PCDH11X: variants seen among roughly 807,000 people sequenced by gnomAD.
PCDH11X encodes the protein protocadherin 11 X-linked, also known as protocadherin-11 X-linked.
In PCDH11X, 18 loss-of-function variants were observed where a neutral mutation model predicts 53.3. The observed-to-expected ratio is 0.34, with a 90% CI of 0.23 to 0.50. The LOEUF (loss-of-function observed/expected upper bound fraction) is 0.50, where lower values mean the gene tolerates loss of function less well. Among genes scored for constraint, PCDH11X ranks in the 20% least tolerant of loss-of-function variants. The probability of loss-of-function intolerance (pLI) is 0.98; values close to 1 mark genes in which losing one functional copy is unlikely to be tolerated. For synonymous variants in PCDH11X, 279 were observed against 393.3 expected (o/e 0.71, Z 3.44); for missense variants, 570 against 1,032.4 (o/e 0.55, Z 6.14).
intron 6 of PCDH11X, among the ~76,000 whole-genome samples, chrX:92,138,327 G>A (rs1272818452): frequency 2.7e-5 from 3 of 110,366 alleles, no homozygotes; most frequent in Non-Finnish European, 5.7e-5. Context: ...GTTCTATAAA[G>A]GCTTTTTTTA....
chrX:92,473,844 A>G (rs1409353894), intron 10 of PCDH11X, among the ~76,000 whole-genome samples: 7 of 111,623 alleles, frequency 6.3e-5, no homozygotes, highest in Non-Finnish European at 9.4e-5. Flanking sequence ...TGAATGTTTT[A>G]AGAATTGTTT....
intron 6 of PCDH11X, among the ~76,000 whole-genome samples, chrX:92,081,711 A>AAC (rs34848503): frequency 0.29 from 28,736 of 100,234 alleles, 3,862 homozygotes; most frequent in East Asian, 0.83. Context: ...CTGAGCCAAT[A>AAC]ACACACACAC....
chrX:91,883,942 C>A, intron 6 of PCDH11X: 1 of 735,127 alleles, frequency 1.4e-6, no homozygotes, highest in Non-Finnish European at 1.6e-6. Flanking sequence ...GTAATCCCAG[C>A]ACTTTGGGAG....
rs2074655819 is a variant in PCDH11X, at chrX:92,536,226, A to G, written c.3367+67904A>G. On this transcript the variant is annotated intron_variant, in intron 10 of 10. Transcript: ENST00000682573. The stretch of plus-strand genomic sequence containing the variant: ...GATTGCATTATCAAATTCTCGTAGT[A>G]TGTTTTCCAGCTCTATCAGATTGTT... 2.7e-5 allele frequency among the ~76,000 whole-genome samples: 3 copies of G among 111,371 alleles called. No individual in the cohort carries two copies. The Admixed American group carries it at 2.9e-4, about 11-fold the overall frequency.
At chrX:92,215,062 G>A (rs1403987242) in intron 7 of PCDH11X, among the ~76,000 whole-genome samples, 1 of 111,117 alleles carries the variant, frequency 9.0e-6, no homozygotes, top group Admixed American at 9.6e-5. Context: ...AGAAAACACT[G>A]GGGAAGCAGC....
At chrX:91,820,789 C>T (rs201677464) in intron 4 of PCDH11X, among the ~76,000 whole-genome samples, 67 of 94,304 alleles carry the variant, frequency 7.1e-4, no homozygotes, top group African/African-American at 1.6e-3. Flanking sequence ...TTTCTTCTAG[C>T]GTTTTTATGG....
intron 6 of PCDH11X, among the ~76,000 whole-genome samples, chrX:91,927,192 C>T (rs1284856664): frequency 9.3e-6 from 1 of 107,475 alleles, no homozygotes; most frequent in African/African-American, 3.4e-5. Context: ...GGATGTTCCT[C>T]AATAGAAGAC....
chrX:92,093,518 A>G (rs994061748), intron 6 of PCDH11X, among the ~76,000 whole-genome samples: 1 of 111,740 alleles, frequency 8.9e-6, no homozygotes, highest in African/African-American at 3.3e-5. Flanking sequence ...AGGGTTCCAG[A>G]GTAGTGGTAA....
intron 10 of PCDH11X, among the ~76,000 whole-genome samples, chrX:92,479,699 G>A (rs537681562): frequency 1.9e-5 from 2 of 107,889 alleles, no homozygotes; most frequent in African/African-American, 6.7e-5. Context: ...TTTCTGGCTT[G>A]TGAGGTTTCT....
intron 6 of PCDH11X, among the ~76,000 whole-genome samples, chrX:92,152,782 TG>T (rs1393797858): frequency 1.6e-4 from 17 of 104,424 alleles, no homozygotes; most frequent in African/African-American, 4.0e-4. Context: ...TATGTATGTA[TG>T]TATGTATGTA....
chrX:92,485,058 C>T (rs2073613881), intron 10 of PCDH11X, among the ~76,000 whole-genome samples: 1 of 109,965 alleles, frequency 9.1e-6, no homozygotes, highest in African/African-American at 3.3e-5. Context: ...TTTGTATTTA[C>T]ATATAAAATG....
intron 6 of PCDH11X, among the ~76,000 whole-genome samples, chrX:92,152,042 C>A (rs983256788): frequency 4.6e-4 from 39 of 84,834 alleles, no homozygotes; most frequent in African/African-American, 1.7e-3. Context: ...GCACTTATAT[C>A]TTTTGACTTC....
intron 6 of PCDH11X, among the ~76,000 whole-genome samples, chrX:92,101,263 T>G (rs761964877): frequency 3.6e-4 from 40 of 111,145 alleles, no homozygotes; most frequent in Middle Eastern, 4.6e-3. Context: ...AAGTTTTTTT[T>G]GGGGCACAGT....
chrX:92,507,897 C>G (rs1267220213), intron 10 of PCDH11X, among the ~76,000 whole-genome samples: 3 of 110,857 alleles, frequency 2.7e-5, no homozygotes, highest in Non-Finnish European at 3.8e-5. Flanking sequence ...ACTGCAACCT[C>G]CACCTCTTGG....
chrX:91,846,722 T>G (rs138435425), intron 5 of PCDH11X, among the ~76,000 whole-genome samples: 5,793 of 111,884 alleles, frequency 0.052, 147 homozygotes, highest in Non-Finnish European at 0.081. Flanking sequence ...TTCCTTAAAT[T>G]TGTGATTATT....
At chrX:91,928,814 C>T (rs34938342) in intron 6 of PCDH11X, among the ~76,000 whole-genome samples, 19,181 of 110,284 alleles carry the variant, frequency 0.17, 1,232 homozygotes, top group East Asian at 0.24. Flanking sequence ...ATGATATTCA[C>T]TGCTCTGGAA....
chrX:92,544,470 G>T (rs963900268), intron 10 of PCDH11X, among the ~76,000 whole-genome samples: 9 of 110,502 alleles, frequency 8.1e-5, no homozygotes, highest in African/African-American at 3.0e-4. Flanking sequence ...AACTTTTGAA[G>T]ACGTGTTAGA....
Position 92,258,407 on chromosome X carries a change from G to A in PCDH11X, c.3115-4707G>A, listed in dbSNP as rs182543538. 4.0e-4 allele frequency among the ~76,000 whole-genome samples: 39 copies of A among 97,263 alleles called. No homozygotes were observed. The East Asian group carries it at 8.0e-3, about 20-fold the overall frequency. The allele number at this position is 97,263 out of a possible 115,157, so 84.5% of individuals were successfully genotyped here. On this transcript the variant is annotated intron_variant, in intron 7 of 10. Coordinates refer to ENST00000682573, the MANE Select transcript of PCDH11X (RefSeq NM_032968.5). ...TTTTGAGACAGAGTCTTGCTCCATC[G>A]CCCAGGCTGGAGTGCAGTGGCTCGA...
chrX:91,942,716 G>A (rs1390423954), intron 6 of PCDH11X, among the ~76,000 whole-genome samples: 1 of 110,308 alleles, frequency 9.1e-6, no homozygotes, highest in African/African-American at 3.3e-5. Context: ...TATCAGGCCA[G>A]CATTGCCCTG....
Sources: allele counts gnomAD v4.1 joint callset (sites outside exome capture counted in the v4.1 genomes callset), GRCh38; gene constraint gnomAD v4.1.1; transcripts MANE v1.5; gene names NCBI Gene and HGNC (gene_info 2026-07-23, HGNC 2026-07-21).